The following YLPM1 variants were observed in gnomAD, a reference collection of about 807,000 sequenced individuals.
YLPM1 encodes the protein YLP motif-containing protein 1.
Under a neutral mutation model 230.0 loss-of-function variants are expected in YLPM1, and 99 were observed. The observed-to-expected ratio is 0.43, with a 90% confidence interval of 0.37 to 0.51. YLPM1 has a LOEUF of 0.51. Ranked by LOEUF, YLPM1 falls within the 20% of genes least tolerant of loss-of-function variation. The pLI, the probability that YLPM1 is intolerant of heterozygous loss-of-function variation, is 0.00. For missense variants in YLPM1, 2,592 were observed against 2,707.7 expected (o/e 0.96, Z 0.95); for synonymous variants, 984 against 942.5 (o/e 1.04, Z -0.81).
At chr14:74,832,806 G>A (rs538786354) in intron 19 of YLPM1, among the ~76,000 whole-genome samples, 1 of 151,986 alleles carries the variant, frequency 6.6e-6, no homozygotes, top group African/African-American at 2.4e-5. Flanking sequence ...ACATTTATTC[G>A]CAAACATACT....
chr14:74,796,639 T>TA (rs1332960006), intron 4 of YLPM1, among the ~76,000 whole-genome samples: 1 of 152,194 alleles, frequency 6.6e-6, no homozygotes, highest in Non-Finnish European at 1.5e-5. Flanking sequence ...GCCTGACAGA[T>TA]AAAGGATGTG....
At chr14:74,797,107 G>A (rs2091270354) in intron 4 of YLPM1, among the ~76,000 whole-genome samples, 1 of 149,388 alleles carries the variant, frequency 6.7e-6, no homozygotes, top group Middle Eastern at 3.6e-3. Context: ...AAGCAGCTGG[G>A]ATTTGCAGGC....
Position 74,798,086 on chromosome 14 carries a change from G to T in YLPM1, c.2789G>T (p.Ser930Ile), listed in dbSNP as rs865870502. Residue 930 changes from serine to isoleucine, a missense_variant, in exon 5 of 21, where the codon AGT becomes ATT. By Grantham distance (142) the Ser-to-Ile change is moderately radical. Coordinates refer to ENST00000325680, the MANE Select transcript of YLPM1 (RefSeq NM_019589.3). The stretch of plus-strand genomic sequence containing the variant: ...TCTAATTGGGACCAGAATGTTCAAA[G>T]TATGGAGACTCAAATCGACAAAGCC... The part of the protein sequence containing the change: ...EPSNWDQNVQ[S>I]METQIDKAQA... The T allele has an allele frequency of 6.2e-7, 1 of 1,613,942 alleles. No homozygotes were observed. The highest frequency in any genetic ancestry group is 8.5e-7 in the Non-Finnish European group (1 of 1,179,884).
At chr14:74,816,037 G>A (rs894205194) in intron 11 of YLPM1, among the ~76,000 whole-genome samples, 166 bp from the exon 12 acceptor site, 2 of 152,072 alleles carry the variant, frequency 1.3e-5, no homozygotes, top group Non-Finnish European at 2.9e-5. Flanking sequence ...CTGTGGTCCA[G>A]TGACATACTT....
rs1259583063 is a variant in YLPM1, at chr14:74,802,388, A to G, written c.4401-168A>G. On this transcript the variant is annotated intron_variant, in intron 5 of 20. Coordinates refer to ENST00000325680, the MANE Select transcript of YLPM1 (RefSeq NM_019589.3). ...CTTAAATGACTGATGAGTTAGCTACATAAAAGCAAAAGAGGGTAATCCTGG... is the reference window on the plus strand; with the variant it reads ...CTTAAATGACTGATGAGTTAGCTACGTAAAAGCAAAAGAGGGTAATCCTGG... Among the ~76,000 whole-genome samples, 3 of 152,220 alleles carry G rather than the reference A, an allele frequency of 2.0e-5. No individual in the cohort carries two copies. In the East Asian group the frequency reaches 5.8e-4, roughly 29 times the overall value.
Position 74,817,057 on chromosome 14 carries a change from G to C in YLPM1, c.5812G>C (p.Val1938Leu). ...FIILDAINDR[V>L]RHFDQFWSAA... ...CATCCTGGATGCCATCAATGACAGA[G>C]TTAGGCATTTTGACCAGTTTTGGAG... is the stretch of plus-strand genomic sequence containing the variant. Residue 1938 changes from valine to leucine, a missense_variant, in exon 14 of 21, where the codon GTT becomes CTT. Transcript: ENST00000325680. 1 of 1,610,992 alleles carries C rather than the reference G, an allele frequency of 6.2e-7. No homozygotes were observed. Among genetic ancestry groups the C allele is most frequent in the South Asian group, 1.1e-5 (1 of 90,194 alleles).
intron 19 of YLPM1, among the ~76,000 whole-genome samples, chr14:74,832,465 TTTTG>T (rs145043350): frequency 0.013 from 1,971 of 152,198 alleles, 19 homozygotes; most frequent in Middle Eastern, 0.031. Context: ...TTCATTTGTT[TTTTG>T]TTTTTTTGTT....
rs1216178431 is a variant in YLPM1 at position 74,781,560 on chromosome 14, T to C, written c.1517T>C (p.Met506Thr). ...LQEKVNSFQN[M>T]KNQYMGNMSM... ...GAGAAAGTCAATTCATTTCAGAACA[T>C]GAAGAACCAGTATATGGGGAACATG... is the stretch of plus-strand genomic sequence containing the variant. Residue 506 changes from methionine (M) to threonine (T), a missense_variant, in exon 4 of 21, where the codon ATG becomes ACG. Physicochemically the swap from Met to Thr is moderately conservative, Grantham distance 81. Coordinates refer to ENST00000325680, the MANE Select transcript of YLPM1 (RefSeq NM_019589.3). 1.9e-6 allele frequency: 3 copies of C among 1,613,990 alleles called. No individual in the cohort carries two copies. The East Asian group carries it at 6.7e-5, about 36-fold the overall frequency.
chr14:74,819,336 G>A (rs2058770050), intron 16 of YLPM1, among the ~76,000 whole-genome samples: 1 of 146,124 alleles, frequency 6.8e-6, no homozygotes, highest in Non-Finnish European at 1.5e-5. Flanking sequence ...GTGCAGTGGT[G>A]TAATCTCGGC....
chr14:74,811,295 A>G (rs2091431966), intron 9 of YLPM1, among the ~76,000 whole-genome samples: 1 of 152,138 alleles, frequency 6.6e-6, no homozygotes, highest in Admixed American at 6.5e-5. Context: ...CAGCCTGGCC[A>G]ACATGGCGAA....
chr14:74,828,466 ATC>A (rs1408300173), intron 18 of YLPM1, among the ~76,000 whole-genome samples: 2 of 152,192 alleles, frequency 1.3e-5, no homozygotes, highest in Non-Finnish European at 1.5e-5. Context: ...CTAAACTCAT[ATC>A]TCATAATTTC....
chr14:74,781,194 G>A lies in YLPM1; in HGVS notation c.1291-140G>A, dbSNP rs537161371. 6 of 953,688 alleles carry A rather than the reference G, an allele frequency of 6.3e-6. No homozygotes were observed. The East Asian group carries it at 1.1e-4, about 17-fold the overall frequency. The allele number at this position is 953,688 out of a possible 1,614,324, so 59.1% of individuals were successfully genotyped here. ...ATGATCATCACTCAAAGAACTTAACGAACTTATTCTTAGCCTCCCAAAGTC... is the reference window on the plus strand; with the variant it reads ...ATGATCATCACTCAAAGAACTTAACAAACTTATTCTTAGCCTCCCAAAGTC... On this transcript the variant is annotated intron_variant, in intron 3 of 20. Coordinates refer to ENST00000325680, the MANE Select transcript of YLPM1 (RefSeq NM_019589.3).
intron 6 of YLPM1, among the ~76,000 whole-genome samples, chr14:74,804,037 A>G (rs535182530): frequency 6.6e-6 from 1 of 152,160 alleles, no homozygotes; most frequent in East Asian, 1.9e-4. Flanking sequence ...CATGCCTGTA[A>G]TCCCAGCTAC....
chr14:74,799,081 G>A lies in YLPM1; in HGVS notation c.3784G>A (p.Gly1262Ser). 6.2e-7 allele frequency: 1 copy of A among 1,613,998 alleles called. No homozygotes were observed. Among genetic ancestry groups the A allele is most frequent in the Non-Finnish European group, 8.5e-7 (1 of 1,179,892 alleles). ...TCGGTCTCATGATGGAGATAGGCGA[G>A]GCCCTTGGTGGGATGATTGGGAGAG... ...PSRSHDGDRR[G>S]PWWDDWERDQ... is the part of the protein sequence containing the mutation. The change falls in exon 5 of 21, where the codon GGC (glycine) becomes AGC (serine). Residue 1262 changes from glycine (G) to serine (S), a missense_variant. Transcript: ENST00000325680.
chr14:74,766,667 G>A lies in YLPM1; in HGVS notation c.873+2305G>A, dbSNP rs368571891. Reference sequence around the variant, plus strand: ...TTTTTTTTTTTTTTTTGGTAGAGACGGGGTTTTGCTATGTTGCCCAGGCTG... The same window carrying A: ...TTTTTTTTTTTTTTTTGGTAGAGACAGGGTTTTGCTATGTTGCCCAGGCTG... On this transcript the variant is annotated intron_variant, in intron 1 of 20. Transcript: ENST00000325680. Among the ~76,000 whole-genome samples the A allele has an allele frequency of 2.1e-3, 296 of 138,152 alleles. 1 individual carries two copies. Among genetic ancestry groups the A allele is most frequent in the African/African-American group, 7.1e-3 (267 of 37,818 alleles). 90.6% of individuals were successfully genotyped at this position (138,152 alleles called of 152,430 possible).
At position 74,817,251 on chromosome 14, in the gene YLPM1, G is replaced by C; in HGVS notation, c.5920G>C (p.Gly1974Arg). The change falls in exon 15 of 21, where the codon GGA becomes CGA. Residue 1974 changes from glycine (G) to arginine (R), a missense_variant. Transcript: ENST00000325680. ...GACTTGTGGCAAGAGAAATATTCAT[G>C]GAAGAAAGCTTAAAGAAATAAATAA... ...NQTCGKRNIH[G>R]RKLKEINKMA... 1 of 1,594,698 alleles carries C rather than the reference G, an allele frequency of 6.3e-7. No homozygotes were observed. Among genetic ancestry groups the C allele is most frequent in the South Asian group, 1.1e-5 (1 of 87,832 alleles).
At chr14:74,822,813 A>G (rs1196087605) in intron 17 of YLPM1, among the ~76,000 whole-genome samples, 1 of 151,888 alleles carries the variant, frequency 6.6e-6, no homozygotes, top group African/African-American at 2.4e-5. Context: ...TAATTAATAT[A>G]GCTGGATGAA....
intron 11 of YLPM1, 37 bp from the exon 12 acceptor site, chr14:74,816,166 A>G: frequency 6.7e-7 from 1 of 1,490,724 alleles, no homozygotes. Context: ...ATTTTCTCTC[A>G]GTGATTTTTT....
At chr14:74,791,160 C>T (rs936669152) in intron 4 of YLPM1, among the ~76,000 whole-genome samples, 2 of 152,018 alleles carry the variant, frequency 1.3e-5, no homozygotes, top group Admixed American at 6.6e-5. Context: ...CCCAGCTACT[C>T]GGGGGACTGA....
Sources: gnomAD v4.1 joint callset for allele counts (sites outside exome capture counted in the v4.1 genomes callset) on GRCh38, gnomAD v4.1.1 for gene constraint, MANE v1.5 for transcripts, NCBI Gene and HGNC (gene_info 2026-07-23, HGNC 2026-07-21) for gene names.